NWD2: variants seen among roughly 807,000 people sequenced by gnomAD.
The protein encoded by NWD2 is NACHT and WD repeat domain-containing protein 2.
A neutral mutation model predicts 132.7 loss-of-function variants in NWD2; 37 were observed. The ratio of observed to expected loss-of-function variants is 0.28; its 90% confidence interval spans 0.21 to 0.37. The LOEUF (loss-of-function observed/expected upper bound fraction) is 0.37, where lower values mean the gene tolerates loss of function less well. Ranked by LOEUF, NWD2 falls within the 10% of genes least tolerant of loss-of-function variation. The probability of loss-of-function intolerance (pLI) is 1.00; values close to 1 mark genes in which losing one functional copy is unlikely to be tolerated. For missense variants in NWD2, 1,592 were observed against 2,122.4 expected (o/e 0.75, Z 4.91); for synonymous variants, 705 against 803.0 (o/e 0.88, Z 2.06).
At chr4:37,266,852 T>C (rs1237403499) in intron 1 of NWD2, among the ~76,000 whole-genome samples, 3 of 152,022 alleles carry the variant, frequency 2.0e-5, no homozygotes, top group Middle Eastern at 6.3e-3. Context: ...GCAATACTCA[T>C]AGTAAAAGTA....
chr4:37,304,813 G>A (rs943327435), intron 1 of NWD2, among the ~76,000 whole-genome samples: 1 of 152,222 alleles, frequency 6.6e-6, no homozygotes, highest in Non-Finnish European at 1.5e-5. Flanking sequence ...CAGGTGCCCA[G>A]TATAAGCTGT....
chr4:37,351,530 C>T (rs962220111), intron 2 of NWD2, among the ~76,000 whole-genome samples: 2 of 152,086 alleles, frequency 1.3e-5, no homozygotes, highest in Non-Finnish European at 2.9e-5. Flanking sequence ...TTGATATCGC[C>T]TTTATCATTT....
intron 1 of NWD2, among the ~76,000 whole-genome samples, chr4:37,284,426 A>T (rs1016948379): frequency 7.9e-5 from 12 of 152,214 alleles, no homozygotes; most frequent in African/African-American, 2.9e-4. Flanking sequence ...TTCAGACCAT[A>T]GAGCTATCCC....
chr4:37,314,370 T>C (rs1718915799), intron 1 of NWD2, among the ~76,000 whole-genome samples: 1 of 152,230 alleles, frequency 6.6e-6, no homozygotes, highest in Non-Finnish European at 1.5e-5. Context: ...AATTTTGTCT[T>C]TATATAATTT....
At chr4:37,354,435 C>T (rs1719829781) in intron 2 of NWD2, among the ~76,000 whole-genome samples, 1 of 152,218 alleles carries the variant, frequency 6.6e-6, no homozygotes, top group African/African-American at 2.4e-5. Context: ...TCTGCCGAAG[C>T]TGTGCCCACT....
intron 5 of NWD2, among the ~76,000 whole-genome samples, chr4:37,437,987 C>T (rs960389074): frequency 6.6e-6 from 1 of 151,996 alleles, no homozygotes; most frequent in Non-Finnish European, 1.5e-5. Context: ...TTGGGCTGGG[C>T]GTGGTGGCTC....
intron 6 of NWD2, among the ~76,000 whole-genome samples, chr4:37,440,787 C>T (rs1300757808): frequency 6.6e-6 from 1 of 152,044 alleles, no homozygotes; most frequent in Non-Finnish European, 1.5e-5. Flanking sequence ...TGAGTTGGCT[C>T]TTCAGCCTAA....
intron 3 of NWD2, among the ~76,000 whole-genome samples, chr4:37,422,170 G>A (rs1487135840): frequency 6.6e-6 from 1 of 152,202 alleles, no homozygotes; most frequent in Non-Finnish European, 1.5e-5. Flanking sequence ...TCTTTATAGA[G>A]AAACTGAATT....
chr4:37,270,956 A>G (rs939862431), intron 1 of NWD2, among the ~76,000 whole-genome samples: 1 of 151,860 alleles, frequency 6.6e-6, no homozygotes, highest in Non-Finnish European at 1.5e-5. Flanking sequence ...TTCATTTTCT[A>G]TACATTTATC....
At chr4:37,302,710 A>T (rs1339505591) in intron 1 of NWD2, among the ~76,000 whole-genome samples, 1 of 152,004 alleles carries the variant, frequency 6.6e-6, no homozygotes, top group East Asian at 1.9e-4. Flanking sequence ...TTCCCTGATG[A>T]TTAGTGATGT....
At chr4:37,245,630 T>C (rs1327923846) in intron 1 of NWD2, among the ~76,000 whole-genome samples, 1 of 151,938 alleles carries the variant, frequency 6.6e-6, no homozygotes, top group Non-Finnish European at 1.5e-5. Context: ...GGCGGGTTCC[T>C]GAGTGCGGGG....
Position 37,244,831 on chromosome 4 carries a change from A to G in NWD2, c.-237A>G. 3.9e-6 allele frequency: 2 copies of G among 507,812 alleles called. No individual in the cohort carries two copies. The highest frequency in any genetic ancestry group is 6.9e-6 in the Non-Finnish European group (2 of 291,058). 31.5% of individuals were successfully genotyped at this position (507,812 alleles called of 1,614,324 possible). A position where few individuals can be genotyped will look rare whatever the true frequency, so the allele number is the denominator to read the frequency against. On this transcript the variant is annotated 5_prime_UTR_variant, in exon 1 of 7. Coordinates refer to ENST00000309447, the MANE Select transcript of NWD2 (RefSeq NM_001144990.2). The surrounding 1 kb of genome is among the most constrained non-coding windows in gnomAD (Gnocchi z 5.5). ...GAGCCCTAGCAGCGGGCGAAGGCGGAGGCCCAGAAGGGCAGGAGACCGCCG... is the reference window on the plus strand; with the variant it reads ...GAGCCCTAGCAGCGGGCGAAGGCGGGGGCCCAGAAGGGCAGGAGACCGCCG...
At chr4:37,312,128 A>G (rs1236502717) in intron 1 of NWD2, among the ~76,000 whole-genome samples, 2 of 151,442 alleles carry the variant, frequency 1.3e-5, no homozygotes, top group Admixed American at 6.6e-5. Context: ...TTTTGGTTCC[A>G]TATGAACTTT....
At position 37,445,317 on chromosome 4, in the gene NWD2, G is replaced by A. The variant is rs1454055159; in HGVS notation, c.3329G>A (p.Gly1110Asp). The A allele has an allele frequency of 6.4e-7, 1 of 1,552,094 alleles. No homozygotes were observed. Among genetic ancestry groups the A allele is most frequent in the East Asian group, 2.4e-5 (1 of 40,916 alleles). ...ACGTGCGTCCAGTGCTCCCTGGATG[G>A]TCTGTATGCTTTCTGTGGCCAATAC... Reference protein sequence around the residue: ...EVTCVQCSLDGLYAFCGQYLN... With the variant: ...EVTCVQCSLDDLYAFCGQYLN... The change falls in exon 7 of 7, where the codon GGT (glycine) becomes GAT (aspartate). Residue 1110 changes from glycine to aspartate, a missense_variant. Transcript: ENST00000309447. This position sits in a 1 kb window ranked among gnomAD's most constrained non-coding sequence, Gnocchi z 4.7.
chr4:37,321,815 C>T (rs1018360400), intron 1 of NWD2, among the ~76,000 whole-genome samples: 1 of 152,036 alleles, frequency 6.6e-6, no homozygotes, highest in Non-Finnish European at 1.5e-5. Flanking sequence ...AAATCTAAGT[C>T]AATTTTTAAT....
intron 3 of NWD2, among the ~76,000 whole-genome samples, chr4:37,358,321 A>G (rs528650648): frequency 6.6e-6 from 1 of 151,924 alleles, no homozygotes; most frequent in South Asian, 2.1e-4. Context: ...GAGCTACTGC[A>G]ATAAGCCAAA....
rs1289986450 is a variant in NWD2 at position 37,356,356 on chromosome 4, C to T, written c.241-10C>T. On this transcript the variant is annotated splice_polypyrimidine_tract_variant and intron_variant, in intron 2 of 6. Transcript: ENST00000309447. ...ATGTAAACTAATGCTCTTCATCCAT[C>T]TGTCCCCAGGTCATAGATCTGTACT... 4 of 1,441,430 alleles carry T rather than the reference C, an allele frequency of 2.8e-6. No individual in the cohort carries two copies. The highest frequency in any genetic ancestry group is 2.2e-5 in the Admixed American group (1 of 46,176). The allele number at this position is 1,441,430 out of a possible 1,614,324, so 89.3% of individuals were successfully genotyped here.
At chr4:37,339,042 C>G (rs1438349713) in intron 2 of NWD2, among the ~76,000 whole-genome samples, 1 of 152,198 alleles carries the variant, frequency 6.6e-6, no homozygotes, top group African/African-American at 2.4e-5. Flanking sequence ...ATGCATGTCT[C>G]TTTGTTTAGT....
At chr4:37,341,664 C>T (rs888360915) in intron 2 of NWD2, among the ~76,000 whole-genome samples, 1 of 152,136 alleles carries the variant, frequency 6.6e-6, no homozygotes, top group Non-Finnish European at 1.5e-5. Context: ...ATTAAGAGCC[C>T]AGGTTCAAAT....
Sources: gnomAD v4.1 joint callset for allele counts (sites outside exome capture counted in the v4.1 genomes callset) on GRCh38, gnomAD v4.1.1 for gene constraint, Gnocchi (gnomAD v3.1) non-coding constraint, MANE v1.5 for transcripts, NCBI Gene and HGNC (gene_info 2026-07-23, HGNC 2026-07-21) for gene names.